Variants in ZDHHC18 observed in about 807,000 individuals in gnomAD.
ZDHHC18 encodes the protein zDHHC palmitoyltransferase 18.
A neutral mutation model predicts 37.5 loss-of-function variants in ZDHHC18; 23 were observed. The observed-to-expected ratio is 0.61, with a 90% CI of 0.44 to 0.87. The LOEUF is 0.87. ZDHHC18 is among the 40% of genes least tolerant of loss of function. The pLI, the probability that ZDHHC18 is intolerant of heterozygous loss-of-function variation, is 0.00. For synonymous variants in ZDHHC18, 185 were observed against 218.7 expected, an observed-to-expected ratio of 0.85 and a Z score of 1.36; for missense variants, 406 against 525.6, an observed-to-expected ratio of 0.77 and a Z score of 2.22.
At chr1:26,832,866 C>T (rs2081594417) in intron 2 of ZDHHC18, among the ~76,000 whole-genome samples, 1 of 152,220 alleles carries the variant, frequency 6.6e-6, no homozygotes, top group South Asian at 2.1e-4. Flanking sequence ...GGGGGCTAGG[C>T]ACTGTTTTAA....
At position 26,850,559 on chromosome 1, in the gene ZDHHC18, C is replaced by G. The variant is rs753598475; in HGVS notation, c.786C>G (p.Arg262=). 6.2e-7 allele frequency: 1 copy of G among 1,614,200 alleles called. No individual in the cohort carries two copies. The highest frequency in any genetic ancestry group is 2.2e-5 in the East Asian group (1 of 44,882). The change falls in exon 5 of 8, where the codon CGC becomes CGG. Residue 262 remains arginine, a splice_region_variant and synonymous_variant. Transcript: ENST00000374142. The surrounding 1 kb of genome is among the most constrained non-coding windows in gnomAD (Gnocchi z 6.1). Reference sequence around the variant, plus strand: ...CCTCTCCTGTTTCTTTCTCCCCAGGCGCTCAGGGAAGCAACTTCCTCTCCA... The same window carrying G: ...CCTCTCCTGTTTCTTTCTCCCCAGGGGCTCAGGGAAGCAACTTCCTCTCCA... The part of the protein sequence containing the change: ...FACVVTHLTL[R]AQGSNFLSTL...
intron 2 of ZDHHC18, among the ~76,000 whole-genome samples, chr1:26,839,345 C>T (rs1444619659): frequency 6.6e-6 from 1 of 152,206 alleles, no homozygotes; most frequent in East Asian, 1.9e-4. Flanking sequence ...CATCACTTAC[C>T]ATCACTCCCT....
chr1:26,844,910 A>G (rs1244600089), intron 2 of ZDHHC18, among the ~76,000 whole-genome samples: 1 of 141,676 alleles, frequency 7.1e-6, no homozygotes, highest in African/African-American at 2.6e-5. Context: ...ATTTCTTTAC[A>G]TGGTTTTTTT....
rs1410393160 is a variant in ZDHHC18 at position 26,850,802 on chromosome 1, C to G, written c.833+196C>G. On this transcript the variant is annotated intron_variant, in intron 5 of 7. Coordinates refer to ENST00000374142, the MANE Select transcript of ZDHHC18 (RefSeq NM_032283.3). The surrounding 1 kb of genome is among the most constrained non-coding windows in gnomAD (Gnocchi z 6.1). ...TGGGGCATTGTGGGGCCGGGGGTTC[C>G]TCGTCTTCAGGGGCCTGGAAAAGAG... Among the ~76,000 whole-genome samples, 3 of 152,180 alleles carry G rather than the reference C, an allele frequency of 2.0e-5. No individual in the cohort carries two copies. Among genetic ancestry groups the G allele is most frequent in the African/African-American group, 7.2e-5 (3 of 41,450 alleles).
rs1299760363 is a variant in ZDHHC18, at chr1:26,852,791, C to T, written c.975C>T (p.Ala325=). 4 of 1,614,014 alleles carry T rather than the reference C, an allele frequency of 2.5e-6. No homozygotes were observed. Among genetic ancestry groups the T allele is most frequent in the Non-Finnish European group, 3.4e-6 (4 of 1,179,996 alleles). The change falls in exon 7 of 8, where the codon GCC becomes GCT. Residue 325 remains alanine (A), a synonymous_variant. Transcript: ENST00000374142. The part of the protein sequence containing the change: ...GSWSSKRGGE[A]SVNPYSHKSI... ...GGTCCAGCAAGAGGGGCGGTGAGGCCTCTGTCAACCCCTACAGCCATAAAA... is the reference window on the plus strand; with the variant it reads ...GGTCCAGCAAGAGGGGCGGTGAGGCTTCTGTCAACCCCTACAGCCATAAAA...
In ZDHHC18 at chr1:26,842,937, G is replaced by A. The variant is rs998598008; in HGVS notation, c.497-5671G>A. ...CAGGGTGCATGGTGGAGGGCTGGGG[G>A]TATAGGCTGCCCCAGGAGACTCAGA... On this transcript the variant is annotated intron_variant, in intron 2 of 7. Transcript: ENST00000374142. Among the ~76,000 whole-genome samples, 4 of 152,130 alleles carry A rather than the reference G, an allele frequency of 2.6e-5. No individual in the cohort carries two copies. The South Asian group carries it at 8.3e-4, about 31-fold the overall frequency.
chr1:26,829,960 A>G (rs1410165127), intron 1 of ZDHHC18, among the ~76,000 whole-genome samples: 1 of 152,196 alleles, frequency 6.6e-6, no homozygotes. Flanking sequence ...AACTGGATTC[A>G]TTGCCATGTG....
chr1:26,827,089 G>T lies in ZDHHC18; in HGVS notation c.285G>T (p.Ala95=). The T allele has an allele frequency of 7.2e-7, 1 of 1,397,712 alleles. No homozygotes were observed. Among genetic ancestry groups the T allele is most frequent in the Non-Finnish European group, 9.3e-7 (1 of 1,077,672 alleles). 86.6% of individuals were successfully genotyped at this position (1,397,712 alleles called of 1,614,324 possible). ...LMLAGHGGVF[A]LTLLLILTTT... The stretch of plus-strand genomic sequence containing the variant: ...TGGCCGGCCACGGCGGCGTCTTCGC[G>T]CTCACGCTGCTGCTCATCCTCACCA... Residue 95 remains alanine, a synonymous_variant, in exon 1 of 8, where the codon GCG becomes GCT. Transcript: ENST00000374142.
In ZDHHC18 at chr1:26,854,548, C is replaced by G. The variant is rs1012001070; in HGVS notation, c.*705C>G. 1 of 152,716 alleles carries G rather than the reference C, an allele frequency of 6.5e-6. No individual in the cohort carries two copies. Among genetic ancestry groups the G allele is most frequent in the African/African-American group, 2.4e-5 (1 of 41,550 alleles). The allele number at this position is 152,716 out of a possible 1,614,324, so 9.5% of individuals were successfully genotyped here. ...TGGAAGTGGGAGCCTGGTCCTTCCC[C>G]TGCCCATGGAGAGCTCTTTAAGGGA... On this transcript the variant is annotated 3_prime_UTR_variant, in exon 8 of 8. Transcript: ENST00000374142. The surrounding 1 kb of genome is among the most constrained non-coding windows in gnomAD (Gnocchi z 4.6).
Position 26,844,893 on chromosome 1 carries a change from T to C in ZDHHC18, c.497-3715T>C, listed in dbSNP as rs184125138. On this transcript the variant is annotated intron_variant, in intron 2 of 7. Transcript: ENST00000374142. ...TCAGTTGTCTGACTTTCTTACTGAC[T>C]TACAGGATTTCTTTACATGGTTTTT... Among the ~76,000 whole-genome samples the C allele has an allele frequency of 1.2e-4, 18 of 152,106 alleles. No homozygotes were observed. The East Asian group carries it at 3.5e-3, about 29-fold the overall frequency.
At chr1:26,832,820 C>T in intron 2 of ZDHHC18, among the ~76,000 whole-genome samples, 1 of 152,222 alleles carries the variant, frequency 6.6e-6, no homozygotes, top group East Asian at 1.9e-4. Flanking sequence ...CCAGCAAAGG[C>T]CCCGATGGCA....
chr1:26,828,702 C>CT (rs913858762), intron 1 of ZDHHC18, among the ~76,000 whole-genome samples: 3 of 151,536 alleles, frequency 2.0e-5, no homozygotes, highest in Admixed American at 6.6e-5. Context: ...ACACTCTGCC[C>CT]TTTTTTTTGA....
intron 6 of ZDHHC18, 139 bp downstream of exon 6, chr1:26,851,370 C>G (rs2081703325): frequency 2.6e-6 from 2 of 759,578 alleles, no homozygotes; most frequent in Non-Finnish European, 2.2e-6. Flanking sequence ...CAGATGCCTC[C>G]CAGTCATCTC....
Position 26,848,584 on chromosome 1 carries a change from A to G in ZDHHC18, c.497-24A>G, listed in dbSNP as rs200345997. ...CCCTGGGCTGCCTTGGGCATTCCCC[A>G]TCTTTCTCTCCTCCTTCCCTCAGAC... On this transcript the variant is annotated intron_variant, in intron 2 of 7. Transcript: ENST00000374142. The G allele has an allele frequency of 8.9e-4, 1,430 of 1,600,396 alleles. 4 individuals carry two copies. The Middle Eastern group carries it at 9.8e-3, about 11-fold the overall frequency.
At chr1:26,834,169 C>G (rs1207578574) in intron 2 of ZDHHC18, among the ~76,000 whole-genome samples, 2 of 152,218 alleles carry the variant, frequency 1.3e-5, no homozygotes, top group Non-Finnish European at 2.9e-5. Flanking sequence ...TCCAGCTCAG[C>G]CGGACCCAGA....
At chr1:26,839,062 A>G (rs2081626184) in intron 2 of ZDHHC18, among the ~76,000 whole-genome samples, 1 of 152,252 alleles carries the variant, frequency 6.6e-6, no homozygotes, top group Admixed American at 6.5e-5. Flanking sequence ...GGGAACTTCC[A>G]CAGCCCCAGC....
chr1:26,841,171 T>C (rs1487752487), intron 2 of ZDHHC18, among the ~76,000 whole-genome samples: 1 of 152,106 alleles, frequency 6.6e-6, no homozygotes, highest in Non-Finnish European at 1.5e-5. Flanking sequence ...GAAATGGGGT[T>C]TCACCATGTT....
At chr1:26,832,417 C>T (rs746129318) in intron 1 of ZDHHC18, 30 bp from the exon 2 acceptor site, 6 of 1,612,722 alleles carry the variant, frequency 3.7e-6, no homozygotes, top group Non-Finnish European at 5.1e-6. Context: ...CTTGGGGTGT[C>T]TGCTGATCTC....
At chr1:26,842,728 A>G (rs1287192884) in intron 2 of ZDHHC18, among the ~76,000 whole-genome samples, 1 of 152,250 alleles carries the variant, frequency 6.6e-6, no homozygotes, top group African/African-American at 2.4e-5. Context: ...TGGTGATGAA[A>G]CAACCTAACA....
Sources: gnomAD v4.1 joint callset for allele counts (sites outside exome capture counted in the v4.1 genomes callset) on GRCh38, gnomAD v4.1.1 for gene constraint, Gnocchi (gnomAD v3.1) non-coding constraint, MANE v1.5 for transcripts, NCBI Gene and HGNC (gene_info 2026-07-23, HGNC 2026-07-21) for gene names.